Variants in KDM5A observed in about 807,000 individuals in gnomAD.
The protein encoded by KDM5A is lysine-specific demethylase 5A.
KDM5A carries 42 observed loss-of-function variants against 193.5 expected under a neutral mutation model. The ratio of observed to expected loss-of-function variants is 0.22; its 90% CI spans 0.17 to 0.28. The LOEUF (loss-of-function observed/expected upper bound fraction) is 0.28. KDM5A is among the 10% of genes least tolerant of loss of function. The pLI is 1.00. For missense variants in KDM5A, 1,692 were observed against 2,055.1 expected, an observed-to-expected ratio of 0.82 and a Z score of 3.42; for synonymous variants, 796 against 718.1, an observed-to-expected ratio of 1.11 and a Z score of -1.73.
rs1943193758 is a variant in KDM5A, at chr12:284,487, C to T, written c.*969G>A. 1 of 232,626 alleles carries T rather than the reference C, an allele frequency of 4.3e-6. No homozygotes were observed. The highest frequency in any genetic ancestry group is 6.1e-5 in the East Asian group (1 of 16,462). The allele number at this position is 232,626 out of a possible 1,614,324, so 14.4% of individuals were successfully genotyped here. A position where few individuals can be genotyped will look rare whatever the true frequency, so the allele number is the denominator to read the frequency against. On this transcript the variant is annotated 3_prime_UTR_variant, in exon 28 of 28. Coordinates refer to ENST00000399788, the MANE Select transcript of KDM5A (RefSeq NM_001042603.3). ...ACAGCAGACATTGGGGTCAGGGCTGCAAGGCAAAAAGCTGTTATTTGCTGG... is the reference window on the plus strand; with the variant it reads ...ACAGCAGACATTGGGGTCAGGGCTGTAAGGCAAAAAGCTGTTATTTGCTGG...
intron 8 of KDM5A, among the ~76,000 whole-genome samples, chr12:353,301 G>A (rs1944186116): frequency 6.6e-6 from 1 of 152,160 alleles, no homozygotes; most frequent in East Asian, 1.9e-4. Flanking sequence ...CTGCACTGCA[G>A]ACTGAGCGAG....
chr12:289,571 T>C (rs1943262349), intron 27 of KDM5A, among the ~76,000 whole-genome samples: 1 of 151,860 alleles, frequency 6.6e-6, no homozygotes, highest in East Asian at 1.9e-4. Flanking sequence ...AAAAAAGAGG[T>C]GGGCATAGTG....
At chr12:354,015 G>A in intron 8 of KDM5A, 61 bp downstream of exon 8, 1 of 1,158,544 alleles carries the variant, frequency 8.6e-7, no homozygotes, top group Non-Finnish European at 1.3e-6. Context: ...TTATATGTAG[G>A]TGTATATGCA....
At chr12:314,650 T>C (rs967041986) in intron 19 of KDM5A, among the ~76,000 whole-genome samples, 1 of 152,218 alleles carries the variant, frequency 6.6e-6, no homozygotes, top group Admixed American at 6.5e-5. Context: ...AAAAGTGATG[T>C]CTAAGCTTTC....
At chr12:359,270 A>G (rs1471191157) in intron 5 of KDM5A, among the ~76,000 whole-genome samples, 2 of 152,228 alleles carry the variant, frequency 1.3e-5, no homozygotes, top group African/African-American at 4.8e-5. Context: ...AGAAGCAATG[A>G]CATCCCAGTG....
chr12:385,020 T>C (rs1011699), intron 2 of KDM5A, among the ~76,000 whole-genome samples: 128,373 of 151,944 alleles, frequency 0.84, 54,544 homozygotes, highest in African/African-American at 0.93. Flanking sequence ...CAAAACTCCG[T>C]CTCTACTAAA....
Position 350,606 on chromosome 12 carries a change from T to C in KDM5A, c.1308+15A>G, listed in dbSNP as rs781297885. 3.1e-6 allele frequency: 5 copies of C among 1,613,802 alleles called. No homozygotes were observed. The highest frequency in any genetic ancestry group is 1.7e-5 in the Admixed American group (1 of 59,986). On this transcript the variant is annotated intron_variant, in intron 10 of 27. Transcript: ENST00000399788. ...ATCAGCTTGGGGGTAAGCAAAAGTT[T>C]GGATAAATCTGCACCTCTTCTTCTG...
At chr12:340,506 C>T (rs11613626) in intron 10 of KDM5A, among the ~76,000 whole-genome samples, 18,123 of 151,848 alleles carry the variant, frequency 0.12, 1,445 homozygotes, top group Non-Finnish European at 0.17. Flanking sequence ...CCAGCCTGGC[C>T]AACATGGTGA....
chr12:361,637 C>T (rs1160225598), intron 5 of KDM5A, among the ~76,000 whole-genome samples: 1 of 152,138 alleles, frequency 6.6e-6, no homozygotes, highest in Non-Finnish European at 1.5e-5. Context: ...CTCTTCAAAG[C>T]AGAATCACCA....
At chr12:352,668 C>G (rs1944178342) in intron 8 of KDM5A, among the ~76,000 whole-genome samples, 1 of 152,120 alleles carries the variant, frequency 6.6e-6, no homozygotes. Flanking sequence ...TGGTTTTGGC[C>G]ATGGAGGAAA....
At chr12:311,882 A>G (rs1943591180) in intron 20 of KDM5A, among the ~76,000 whole-genome samples, 1 of 152,126 alleles carries the variant, frequency 6.6e-6, no homozygotes, top group African/African-American at 2.4e-5. Context: ...AAAAATACAA[A>G]AATTAGCTAG....
intron 27 of KDM5A, 106 bp downstream of exon 27, chr12:292,653 C>T: frequency 7.0e-7 from 1 of 1,433,678 alleles, no homozygotes; most frequent in East Asian, 2.3e-5. Flanking sequence ...TGTTGGAAGT[C>T]CAAATCCTAG....
In KDM5A at chr12:280,847, T is replaced by C. The variant is rs1028541759; in HGVS notation, c.*4609A>G. On this transcript the variant is annotated 3_prime_UTR_variant, in exon 28 of 28. Transcript: ENST00000399788. ...ATCACTTCACACTCCAAAAACACTA[T>C]TCTCAGCAATGATAATAGGCTAATC... is the stretch of plus-strand genomic sequence containing the variant. 1.7e-5 allele frequency: 4 copies of C among 232,778 alleles called. No homozygotes were observed. The highest frequency in any genetic ancestry group is 8.8e-5 in the African/African-American group (4 of 45,320). 14.4% of individuals were successfully genotyped at this position (232,778 alleles called of 1,614,324 possible).
chr12:320,930 T>C, intron 18 of KDM5A, 65 bp downstream of exon 18: 1 of 1,133,158 alleles, frequency 8.8e-7, no homozygotes, highest in South Asian at 1.2e-5. Flanking sequence ...TACCATTCTG[T>C]GAAACCCAGA....
chr12:349,636 A>G lies in KDM5A; in HGVS notation c.1308+985T>C, dbSNP rs553324142. 3.5e-4 allele frequency among the ~76,000 whole-genome samples: 53 copies of G among 152,068 alleles called. 1 individual carries two copies. Among genetic ancestry groups the G allele is most frequent in the Non-Finnish European group, 6.9e-4 (47 of 67,976 alleles). On this transcript the variant is annotated intron_variant, in intron 10 of 27. Coordinates refer to ENST00000399788, the MANE Select transcript of KDM5A (RefSeq NM_001042603.3). ...AGCCACCACGCCCATCCTGGATTTT[A>G]TAACAGAAAGAACTAGGCAAAAATA...
At chr12:349,770 A>C (rs1944129307) in intron 10 of KDM5A, among the ~76,000 whole-genome samples, 1 of 146,412 alleles carries the variant, frequency 6.8e-6, no homozygotes, top group South Asian at 2.1e-4. Context: ...CAACCTTTCC[A>C]CCTTGGCCTC....
chr12:354,506 C>A (rs779950583), intron 7 of KDM5A, among the ~76,000 whole-genome samples: 15 of 152,120 alleles, frequency 9.9e-5, no homozygotes, highest in Non-Finnish European at 2.2e-4. Context: ...CAGTGGCTCA[C>A]GCCTGTAATC....
chr12:280,399 T>G lies in KDM5A; in HGVS notation c.*5057A>C, dbSNP rs78227440. ...ACTTGCCACCTTAAGAAACTTCAAG[T>G]GTATCTTTTTGTTGGCAAGAAAATT... is the stretch of plus-strand genomic sequence containing the variant. On this transcript the variant is annotated 3_prime_UTR_variant, in exon 28 of 28. Transcript: ENST00000399788. 2 of 232,590 alleles carry G rather than the reference T, an allele frequency of 8.6e-6. No individual in the cohort carries two copies. The highest frequency in any genetic ancestry group is 1.7e-5 in the Non-Finnish European group (2 of 117,904). The allele number at this position is 232,590 out of a possible 1,614,324, so 14.4% of individuals were successfully genotyped here. A position where few individuals can be genotyped will look rare whatever the true frequency, so the allele number is the denominator to read the frequency against.
chr12:333,408 G>T, intron 12 of KDM5A, 79 bp downstream of exon 12: 1 of 1,489,976 alleles, frequency 6.7e-7, no homozygotes, highest in South Asian at 1.1e-5. Context: ...AACAGAGCAA[G>T]ACCCTGTTTC....
Sources: allele counts gnomAD v4.1 joint callset (sites outside exome capture counted in the v4.1 genomes callset), GRCh38; gene constraint gnomAD v4.1.1; transcripts MANE v1.5; gene names NCBI Gene and HGNC (gene_info 2026-07-23, HGNC 2026-07-21).